PTPRM: variants seen among roughly 807,000 people sequenced by gnomAD.
The protein encoded by PTPRM is receptor-type tyrosine-protein phosphatase mu.
In PTPRM, 47 loss-of-function variants were observed where a neutral mutation model predicts 186.7. The observed-to-expected ratio is 0.25, with a 90% CI of 0.20 to 0.32. The LOEUF is 0.32. PTPRM is among the 10% of genes least tolerant of loss of function. The probability of loss-of-function intolerance (pLI) is 1.00; values close to 1 mark genes in which losing one functional copy is unlikely to be tolerated. For synonymous variants in PTPRM, 668 were observed against 674.9 expected (o/e 0.99, Z 0.16); for missense variants, 1,494 against 1,865.0 (o/e 0.80, Z 3.66).
intron 2 of PTPRM, among the ~76,000 whole-genome samples, chr18:7,854,381 T>G (rs1032273893): frequency 6.6e-6 from 1 of 152,128 alleles, no homozygotes; most frequent in African/African-American, 2.4e-5. Context: ...TCTGCAAAGG[T>G]TCTTAACTTA....
chr18:8,087,631 A>G (rs942760021), intron 10 of PTPRM, among the ~76,000 whole-genome samples: 8 of 152,218 alleles, frequency 5.3e-5, no homozygotes, highest in Non-Finnish European at 1.2e-4. Flanking sequence ...TTCAATTTTC[A>G]TGGACCTAAG....
At chr18:7,715,645 C>A (rs2040312299) in intron 1 of PTPRM, among the ~76,000 whole-genome samples, 1 of 152,168 alleles carries the variant, frequency 6.6e-6, no homozygotes, top group African/African-American at 2.4e-5. Context: ...AGCTGATAAG[C>A]AACTTCAGCA....
chr18:7,811,151 G>A (rs1406688188), intron 2 of PTPRM, among the ~76,000 whole-genome samples: 1 of 152,164 alleles, frequency 6.6e-6, no homozygotes, highest in African/African-American at 2.4e-5. Flanking sequence ...TTTCTGCAAG[G>A]AGCAGAAAGG....
At chr18:8,248,369 G>A (rs554939197) in intron 17 of PTPRM, 193 bp downstream of exon 17, 2 of 678,818 alleles carry the variant, frequency 2.9e-6, no homozygotes, top group African/African-American at 3.5e-5. Context: ...ATTAATAAGA[G>A]GGGTTTGCTG....
In PTPRM at chr18:8,044,454, C is replaced by T. The variant is rs545592564; in HGVS notation, c.1133-25232C>T. On this transcript the variant is annotated intron_variant, in intron 7 of 32. Transcript: ENST00000580170. ...ATGACTCAAGAGTGGATTCACTACG[C>T]AGTTGCAGTAATCAAGACATGCGGG... Among the ~76,000 whole-genome samples the T allele has an allele frequency of 2.2e-4, 34 of 152,182 alleles. No individual in the cohort carries two copies. In the South Asian group the frequency reaches 7.1e-3, roughly 32 times the overall value.
At chr18:7,784,891 C>T (rs1174980020) in intron 2 of PTPRM, among the ~76,000 whole-genome samples, 1 of 151,898 alleles carries the variant, frequency 6.6e-6, no homozygotes, top group Non-Finnish European at 1.5e-5. Context: ...TGCTCTGAGC[C>T]CAAGGAGGCT....
intron 2 of PTPRM, among the ~76,000 whole-genome samples, chr18:7,813,489 T>C (rs2044639508): frequency 6.6e-6 from 1 of 152,144 alleles, no homozygotes; most frequent in South Asian, 2.1e-4. Context: ...AATACTCAAA[T>C]ATTGAAGACA....
intron 14 of PTPRM, among the ~76,000 whole-genome samples, chr18:8,160,240 A>T (rs1253324495): frequency 1.3e-5 from 2 of 152,098 alleles, no homozygotes; most frequent in Admixed American, 6.6e-5. Flanking sequence ...TTAAGATGAA[A>T]TTTTTTTAAG....
chr18:8,085,573 G>C, intron 9 of PTPRM, 98 bp from the exon 10 acceptor site: 2 of 1,024,706 alleles, frequency 2.0e-6, no homozygotes, highest in Non-Finnish European at 3.0e-6. Context: ...TTATCATAAA[G>C]TGTCTGACAG....
chr18:7,936,143 C>T (rs535448436), intron 5 of PTPRM, among the ~76,000 whole-genome samples: 108 of 152,320 alleles, frequency 7.1e-4, no homozygotes, highest in African/African-American at 2.5e-3. Context: ...CCACCCACTG[C>T]TGAGCTGGCA....
intron 7 of PTPRM, among the ~76,000 whole-genome samples, chr18:7,982,835 G>A (rs750669612): frequency 1.3e-5 from 2 of 152,066 alleles, no homozygotes; most frequent in African/African-American, 2.4e-5. Flanking sequence ...GTTGTTGATG[G>A]AAATGTTGTT....
intron 11 of PTPRM, among the ~76,000 whole-genome samples, chr18:8,092,859 A>T (rs993446831): frequency 7.9e-5 from 12 of 152,154 alleles, no homozygotes. Flanking sequence ...GAGCATGGGT[A>T]TGTGCCTGCA....
At chr18:7,679,506 G>C (rs1281532994) in intron 1 of PTPRM, among the ~76,000 whole-genome samples, 1 of 152,056 alleles carries the variant, frequency 6.6e-6, no homozygotes, top group Middle Eastern at 3.2e-3. Context: ...CTTTACTAAA[G>C]ATAAAGAAAT....
chr18:8,243,805 G>C (rs1432306534), intron 14 of PTPRM, among the ~76,000 whole-genome samples: 1 of 152,120 alleles, frequency 6.6e-6, no homozygotes, highest in Non-Finnish European at 1.5e-5. Flanking sequence ...GTTTTAGGCT[G>C]TGGTGTTTTA....
intron 1 of PTPRM, among the ~76,000 whole-genome samples, chr18:7,722,357 G>T (rs534987665): frequency 6.6e-6 from 1 of 152,200 alleles, no homozygotes; most frequent in Non-Finnish European, 1.5e-5. Context: ...TGAAAAGTTA[G>T]ACTTTTAATA....
chr18:7,984,450 T>G (rs1437902703), intron 7 of PTPRM, among the ~76,000 whole-genome samples: 1 of 151,492 alleles, frequency 6.6e-6, no homozygotes, highest in African/African-American at 2.4e-5. Context: ...GACTAAAAAT[T>G]GAAAATCTGT....
At chr18:7,598,850 A>C (rs764809431) in intron 1 of PTPRM, among the ~76,000 whole-genome samples, 2 of 150,752 alleles carry the variant, frequency 1.3e-5, no homozygotes, top group African/African-American at 2.5e-5. Context: ...GCGGTAGCCA[A>C]TTTAAGGTGA....
chr18:8,401,605 T>G (rs1371952120), intron 32 of PTPRM, among the ~76,000 whole-genome samples: 2 of 152,238 alleles, frequency 1.3e-5, no homozygotes, highest in African/African-American at 4.8e-5. Context: ...GGCTATTCTC[T>G]TTGAACCTTT....
intron 7 of PTPRM, among the ~76,000 whole-genome samples, chr18:8,002,462 T>A (rs1377088161): frequency 1.3e-5 from 2 of 152,154 alleles, no homozygotes; most frequent in African/African-American, 4.8e-5. Flanking sequence ...TAATGTCACA[T>A]CCTTGGATGC....
Sources: allele counts gnomAD v4.1 joint callset (sites outside exome capture counted in the v4.1 genomes callset), GRCh38; gene constraint gnomAD v4.1.1; transcripts MANE v1.5; gene names NCBI Gene and HGNC (gene_info 2026-07-23, HGNC 2026-07-21).